Variants in RBFOX1 observed in about 807,000 individuals in gnomAD.
RBFOX1 encodes the protein RNA binding fox-1 homolog 1, also known as RNA binding protein fox-1 homolog 1.
A neutral mutation model predicts 57.7 loss-of-function variants in RBFOX1; 8 were observed. The observed-to-expected ratio is 0.14, with a 90% CI of 0.08 to 0.25. The LOEUF is 0.25. Ranked by LOEUF, RBFOX1 falls within the 10% of genes least tolerant of loss-of-function variation. The pLI is 1.00. For synonymous variants in RBFOX1, 326 were observed against 222.4 expected, an observed-to-expected ratio of 1.47 and a Z score of -4.15; for missense variants, 611 against 548.5, an observed-to-expected ratio of 1.11 and a Z score of -1.14.
intron 2 of RBFOX1, among the ~76,000 whole-genome samples, chr16:6,618,681 G>A (rs1275755347): frequency 6.6e-6 from 1 of 152,186 alleles, no homozygotes; most frequent in Non-Finnish European, 1.5e-5. Flanking sequence ...TCACTTTAAT[G>A]TGATGTGTTG....
chr16:5,753,303 T>C (rs570640100), intron 3 of RBFOX1, among the ~76,000 whole-genome samples: 42 of 152,286 alleles, frequency 2.8e-4, no homozygotes, highest in Non-Finnish European at 1.8e-4. Flanking sequence ...ATAGAACACT[T>C]AAAAAAATCC....
chr16:6,474,046 G>A (rs1306569043), intron 2 of RBFOX1, among the ~76,000 whole-genome samples: 1 of 152,102 alleles, frequency 6.6e-6, no homozygotes, highest in African/African-American at 2.4e-5. Flanking sequence ...CAATAAGCTG[G>A]TTTCCTGGGC....
rs577740314 is a variant in RBFOX1 at position 7,182,060 on chromosome 16, A to G, written c.27+129962A>G. On this transcript the variant is annotated intron_variant, in intron 4 of 15. Coordinates refer to ENST00000550418, the MANE Select transcript of RBFOX1 (RefSeq NM_018723.4). ...CACTGAAAGATAATAATCTTCACTG[A>G]TAAACTGAATGAGTCTTCAGAAGCT... is the stretch of plus-strand genomic sequence containing the variant. Among the ~76,000 whole-genome samples the G allele has an allele frequency of 1.9e-4, 29 of 152,362 alleles. 1 individual carries two copies. The South Asian group carries it at 5.6e-3, about 29-fold the overall frequency.
chr16:6,303,351 A>AAT (rs2079053017), intron 1 of RBFOX1, among the ~76,000 whole-genome samples: 2 of 151,736 alleles, frequency 1.3e-5, no homozygotes, highest in African/African-American at 4.8e-5. Flanking sequence ...TTTTTTTAAA[A>AAT]AATCGAGGCC....
At chr16:5,255,338 A>ATCCC (rs1317985830) in intron 1 of RBFOX1, among the ~76,000 whole-genome samples, 24 of 144,828 alleles carry the variant, frequency 1.7e-4, no homozygotes, top group African/African-American at 4.8e-4. Context: ...CCATCCATCC[A>ATCCC]TCCATCCATC....
chr16:6,855,605 A>G (rs1167429771), intron 3 of RBFOX1, among the ~76,000 whole-genome samples: 1 of 149,662 alleles, frequency 6.7e-6, no homozygotes, highest in African/African-American at 2.5e-5. Flanking sequence ...GTGAGCCTGG[A>G]TCGCACCACT....
intron 4 of RBFOX1, among the ~76,000 whole-genome samples, chr16:7,246,426 T>C (rs1445902924): frequency 1.3e-5 from 2 of 152,148 alleles, no homozygotes; most frequent in African/African-American, 2.4e-5. Context: ...GTGATTTTTT[T>C]AGTGGCCTCC....
intron 1 of RBFOX1, among the ~76,000 whole-genome samples, chr16:5,242,500 C>G (rs191423435): frequency 2.0e-5 from 3 of 152,210 alleles, no homozygotes; most frequent in Non-Finnish European, 2.9e-5. Flanking sequence ...TATGGGAATA[C>G]TCTCTTTGAA....
intron 3 of RBFOX1, among the ~76,000 whole-genome samples, chr16:7,039,858 C>G (rs373916274): frequency 6.6e-5 from 10 of 152,196 alleles, no homozygotes; most frequent in East Asian, 3.9e-4. Flanking sequence ...CGACCTCTCT[C>G]TTTTTATTTT....
At chr16:7,232,249 C>A (rs184741557) in intron 4 of RBFOX1, among the ~76,000 whole-genome samples, 138 of 152,088 alleles carry the variant, frequency 9.1e-4, no homozygotes, top group Non-Finnish European at 1.4e-3. Context: ...GTCATGAACT[C>A]CTGAAAACTG....
At chr16:6,724,562 A>G (rs765704937) in intron 3 of RBFOX1, among the ~76,000 whole-genome samples, 1 of 151,980 alleles carries the variant, frequency 6.6e-6, no homozygotes, top group African/African-American at 2.4e-5. Flanking sequence ...ATCTACCAGG[A>G]TCTTGATCTT....
chr16:6,661,230 G>A (rs1306483321), intron 3 of RBFOX1, among the ~76,000 whole-genome samples: 1 of 152,168 alleles, frequency 6.6e-6, no homozygotes, highest in African/African-American at 2.4e-5. Context: ...AGACTTACAA[G>A]ACTTGAGTGT....
intron 4 of RBFOX1, among the ~76,000 whole-genome samples, chr16:7,187,734 A>G (rs2084286198): frequency 1.3e-5 from 2 of 149,982 alleles, no homozygotes; most frequent in Non-Finnish European, 3.0e-5. Flanking sequence ...AAGGAAAAGA[A>G]AAGAAGCGCT....
At chr16:6,186,193 T>G (rs1458546306) in intron 1 of RBFOX1, among the ~76,000 whole-genome samples, 1 of 152,196 alleles carries the variant, frequency 6.6e-6, no homozygotes, top group Admixed American at 6.5e-5. Flanking sequence ...GTGCTTTTTT[T>G]AACTCCTGGG....
At chr16:5,874,125 C>T (rs1438459281) in intron 4 of RBFOX1, among the ~76,000 whole-genome samples, 1 of 152,220 alleles carries the variant, frequency 6.6e-6, no homozygotes, top group Non-Finnish European at 1.5e-5. Context: ...GGACCCATGG[C>T]ACTGAGTTTG....
At chr16:5,515,755 T>C (rs2043768896) in intron 2 of RBFOX1, among the ~76,000 whole-genome samples, 1 of 152,096 alleles carries the variant, frequency 6.6e-6, no homozygotes, top group Admixed American at 6.5e-5. Context: ...TCAAGACTGG[T>C]GAGACTTGCT....
At chr16:5,857,336 A>G (rs1338653748) in intron 3 of RBFOX1, among the ~76,000 whole-genome samples, 1 of 152,202 alleles carries the variant, frequency 6.6e-6, no homozygotes, top group African/African-American at 2.4e-5. Flanking sequence ...TAACAGATGT[A>G]ATAATCATGA....
chr16:7,037,556 C>G (rs2044878900), intron 3 of RBFOX1, among the ~76,000 whole-genome samples: 1 of 151,944 alleles, frequency 6.6e-6, no homozygotes, highest in Non-Finnish European at 1.5e-5. Flanking sequence ...GAAATCACAA[C>G]AACAACAACA....
intron 3 of RBFOX1, among the ~76,000 whole-genome samples, chr16:6,892,196 C>T (rs1182342658): frequency 6.6e-6 from 1 of 152,108 alleles, no homozygotes; most frequent in Non-Finnish European, 1.5e-5. Context: ...AAAGTTAATG[C>T]CCTTTGGCCA....
Sources: allele counts gnomAD v4.1 joint callset (sites outside exome capture counted in the v4.1 genomes callset), GRCh38; gene constraint gnomAD v4.1.1; transcripts MANE v1.5; gene names NCBI Gene and HGNC (gene_info 2026-07-23, HGNC 2026-07-21).